Variants in RNPC3 observed in about 807,000 individuals in gnomAD.
RNPC3 encodes RNA-binding region-containing protein 3.
A neutral mutation model predicts 67.5 loss-of-function variants in RNPC3; 48 were observed. The ratio of observed to expected loss-of-function variants is 0.71; its 90% CI spans 0.56 to 0.90. RNPC3 has a LOEUF of 0.90. Among genes scored for constraint, RNPC3 ranks in the 40% least tolerant of loss-of-function variants. The pLI is 0.00. For synonymous variants in RNPC3, 239 were observed against 210.3 expected, an observed-to-expected ratio of 1.14 and a Z score of -1.18; for missense variants, 637 against 626.1, an observed-to-expected ratio of 1.02 and a Z score of -0.19.
At chr1:103,527,838 G>C (rs1396720148) in intron 2 of RNPC3, 96 bp downstream of exon 2, 1 of 854,834 alleles carries the variant, frequency 1.2e-6, no homozygotes, top group African/African-American at 1.7e-5. Context: ...AGAAGCAAAA[G>C]CGTTTGTATT....
At chr1:103,527,098 C>T (rs1650737716) in intron 1 of RNPC3, among the ~76,000 whole-genome samples, 2 of 151,888 alleles carry the variant, frequency 1.3e-5, no homozygotes, top group South Asian at 2.1e-4. Context: ...TTAGAATGTG[C>T]GATATAATTA....
chr1:103,541,460 T>C lies in RNPC3; in HGVS notation c.878T>C (p.Leu293Ser). 1 of 1,494,950 alleles carries C rather than the reference T, an allele frequency of 6.7e-7. No homozygotes were observed. The highest frequency in any genetic ancestry group is 8.8e-7 in the Non-Finnish European group (1 of 1,131,926). The allele number at this position is 1,494,950 out of a possible 1,614,324, so 92.6% of individuals were successfully genotyped here. Residue 293 changes from leucine (L) to serine (S), a missense_variant, in exon 8 of 15, where the codon TTG (leucine) becomes TCG (serine). By Grantham distance (145) the Leu-to-Ser change is moderately radical. Around this residue, in one of 3 missense-constraint regions of RNPC3, gnomAD observed 536 missense variants for 500.3 expected, o/e 1.07. Coordinates refer to ENST00000423855, the MANE Select transcript of RNPC3 (RefSeq NM_017619.4). ...RKIKDMLNTP[L>S]CPSHSSLHPV... ...ATAAAGGATATGTTGAATACACCTT[T>C]GTGTCCTTCACACAGGTAATTTTAT... is the stretch of plus-strand genomic sequence containing the variant.
intron 1 of RNPC3, among the ~76,000 whole-genome samples, chr1:103,526,977 A>C (rs1445116477): frequency 6.6e-6 from 1 of 152,166 alleles, no homozygotes; most frequent in Non-Finnish European, 1.5e-5. Flanking sequence ...ATTAGAAGAA[A>C]GACCAATTTT....
At chr1:103,534,649 GTT>G (rs36141069) in intron 3 of RNPC3, 123 bp from the exon 4 acceptor site, 8,821 of 506,756 alleles carry the variant, frequency 0.017, no homozygotes, top group South Asian at 0.023. Context: ...ATACTTGAAA[GTT>G]TTTTTTTTTT....
intron 8 of RNPC3, among the ~76,000 whole-genome samples, chr1:103,542,862 A>ATTTCATCTG (rs1353661488): frequency 1.3e-5 from 2 of 151,778 alleles, no homozygotes; most frequent in Non-Finnish European, 3.0e-5. Context: ...TATTATCAAT[A>ATTTCATCTG]TTTCATCTGT....
At position 103,535,336 on chromosome 1, in the gene RNPC3, T is replaced by C; in HGVS notation, c.450T>C (p.Thr150=). The change falls in exon 5 of 15, where the codon ACT becomes ACC. Residue 150 remains threonine (T), a synonymous_variant. Coordinates refer to ENST00000423855, the MANE Select transcript of RNPC3 (RefSeq NM_017619.4). ...ENGIAPNHGL[T]FPLNSCLKYM... is the part of the protein sequence containing the mutation. Reference sequence around the variant, plus strand: ...AATGTTTTTTGTTTTATAGGCTGACTTTTCCTTTAAATTCATGCCTCAAGT... The same window carrying C: ...AATGTTTTTTGTTTTATAGGCTGACCTTTCCTTTAAATTCATGCCTCAAGT... 6.5e-7 allele frequency: 1 copy of C among 1,531,890 alleles called. No individual in the cohort carries two copies. The allele number at this position is 1,531,890 out of a possible 1,614,324, so 94.9% of individuals were successfully genotyped here.
rs1276427947 is a variant in RNPC3, at chr1:103,543,445, A to G, written c.1043A>G (p.His348Arg). 1 of 1,499,458 alleles carries G rather than the reference A, an allele frequency of 6.7e-7. No individual in the cohort carries two copies. The highest frequency in any genetic ancestry group is 1.4e-5 in the African/African-American group (1 of 70,842). The allele number at this position is 1,499,458 out of a possible 1,614,324, so 92.9% of individuals were successfully genotyped here. ...GAACAAAATTGTGAGGAAAAAAATCATGGTAAGGATATTCTAGTTATTTCA... is the reference window on the plus strand; with the variant it reads ...GAACAAAATTGTGAGGAAAAAAATCGTGGTAAGGATATTCTAGTTATTTCA... ...EKEQNCEEKN[H>R]DLPATEVDAS... The change falls in exon 9 of 15, where the codon CAT becomes CGT. Residue 348 changes from histidine (H) to arginine (R), a missense_variant and splice_region_variant. Physicochemically the swap from His to Arg is conservative, Grantham distance 29. Transcript: ENST00000423855.
intron 2 of RNPC3, among the ~76,000 whole-genome samples, chr1:103,531,606 A>G (rs1247057323): frequency 6.6e-6 from 1 of 152,046 alleles, no homozygotes; most frequent in East Asian, 1.9e-4. Flanking sequence ...AGTGATGTTG[A>G]GCAGTTTTTC....
At chr1:103,542,189 T>C (rs1173654832) in intron 8 of RNPC3, among the ~76,000 whole-genome samples, 2 of 151,994 alleles carry the variant, frequency 1.3e-5, no homozygotes, top group East Asian at 3.8e-4. Flanking sequence ...AACTAAGAAC[T>C]AAAAGGTTGT....
intron 1 of RNPC3, 83 bp downstream of exon 1, chr1:103,526,345 G>C (rs2101039843): frequency 8.5e-7 from 1 of 1,172,470 alleles, no homozygotes; most frequent in African/African-American, 1.5e-5. Context: ...GAGTAAAATG[G>C]AAACGAGTGG....
intron 12 of RNPC3, among the ~76,000 whole-genome samples, chr1:103,548,910 A>G (rs1651313439): frequency 6.6e-6 from 1 of 152,194 alleles, no homozygotes; most frequent in Non-Finnish European, 1.5e-5. Flanking sequence ...GGAGCAAGTC[A>G]CATTTTATAT....
chr1:103,535,845 G>T (rs1028924217), intron 5 of RNPC3, among the ~76,000 whole-genome samples: 1 of 151,828 alleles, frequency 6.6e-6, no homozygotes, highest in Non-Finnish European at 1.5e-5. Flanking sequence ...ACAATAATTG[G>T]GTTAAAGATA....
rs562353283 is a variant in RNPC3, at chr1:103,534,658, T to G, written c.360-116T>G. The G allele has an allele frequency of 2.1e-4, 132 of 635,556 alleles. 1 individual carries two copies. In the African/African-American group the frequency reaches 2.3e-3, roughly 11 times the overall value. The allele number at this position is 635,556 out of a possible 1,614,324, so 39.4% of individuals were successfully genotyped here. A position where few individuals can be genotyped will look rare whatever the true frequency, so the allele number is the denominator to read the frequency against. On this transcript the variant is annotated intron_variant, in intron 3 of 14. Transcript: ENST00000423855. ...TGAGAAATACTTGAAAGTTTTTTTT[T>G]TTTTTTAATGAAGCTGTTTTTATAA...
chr1:103,533,290 G>T (rs139850815), intron 2 of RNPC3, among the ~76,000 whole-genome samples: 14 of 151,882 alleles, frequency 9.2e-5, no homozygotes, highest in African/African-American at 2.4e-4. Flanking sequence ...CTAAGCTAAC[G>T]GAATACAAGA....
intron 2 of RNPC3, among the ~76,000 whole-genome samples, chr1:103,528,291 CTT>C (rs910373160): frequency 6.6e-6 from 1 of 152,108 alleles, no homozygotes; most frequent in Non-Finnish European, 1.5e-5. Context: ...TAGGTGGACA[CTT>C]GATACTTTTG....
intron 14 of RNPC3, chr1:103,554,468 A>G (rs561918671): frequency 2.0e-5 from 3 of 152,742 alleles, no homozygotes; most frequent in South Asian, 4.1e-4. Context: ...AACTGATTTT[A>G]ATATACAAAC....
intron 12 of RNPC3, among the ~76,000 whole-genome samples, chr1:103,550,176 A>T (rs1279762985): frequency 1.3e-5 from 2 of 151,826 alleles, no homozygotes; most frequent in Admixed American, 6.6e-5. Context: ...AAATAATAAT[A>T]ATCATAATAA....
At position 103,543,434 on chromosome 1, in the gene RNPC3, G is replaced by A. The variant is rs181546461; in HGVS notation, c.1032G>A (p.Glu344=). The change falls in exon 9 of 15, where the codon GAG becomes GAA. Residue 344 remains glutamate (E), a synonymous_variant. Transcript: ENST00000423855. ...KKDLEKEQNC[E]EKNHDLPATE... is the part of the protein sequence containing the mutation. ...ATTTAGAAAAGGAACAAAATTGTGA[G>A]GAAAAAAATCATGGTAAGGATATTC... is the stretch of plus-strand genomic sequence containing the variant. 8.0e-6 allele frequency: 12 copies of A among 1,501,600 alleles called. No homozygotes were observed. The Admixed American group carries it at 1.6e-4, about 20-fold the overall frequency. The allele number at this position is 1,501,600 out of a possible 1,614,324, so 93.0% of individuals were successfully genotyped here. A position where few individuals can be genotyped will look rare whatever the true frequency, so the allele number is the denominator to read the frequency against.
Position 103,551,072 on chromosome 1 carries a change from T to C in RNPC3, c.1493T>C (p.Val498Ala). 6.2e-7 allele frequency: 1 copy of C among 1,605,612 alleles called. No homozygotes were observed. Among genetic ancestry groups the C allele is most frequent in the Non-Finnish European group, 8.5e-7 (1 of 1,175,844 alleles). Residue 498 changes from valine to alanine, a missense_variant and splice_region_variant, in exon 13 of 15, where the codon GTT becomes GCT. This residue lies in a region of RNPC3 where 96 missense variants were observed against 105.8 expected (regional missense o/e 0.91). Coordinates refer to ENST00000423855, the MANE Select transcript of RNPC3 (RefSeq NM_017619.4). ...GYVLFGKPMVVQFARSARPKQ... is the reference protein window; with the variant it reads ...GYVLFGKPMVAQFARSARPKQ... ...GTGCTTTTTGGAAAACCCATGGTGG[T>C]TGTATCCTTTAAATCCATCTATTTC...
Sources: gnomAD v4.1 joint callset for allele counts (sites outside exome capture counted in the v4.1 genomes callset) on GRCh38, gnomAD v4.1.1 for gene constraint, gnomAD v4.1.1 regional missense constraint, MANE v1.5 for transcripts, NCBI Gene and HGNC (gene_info 2026-07-23, HGNC 2026-07-21) for gene names.